STK32B: variants seen among roughly 807,000 people sequenced by gnomAD.
STK32B encodes the protein serine/threonine kinase 32B, also known as serine/threonine-protein kinase 32B.
STK32B carries 43 observed loss-of-function variants against 52.6 expected under a neutral mutation model. The observed-to-expected ratio is 0.82, with a 90% CI of 0.64 to 1.05. The LOEUF (loss-of-function observed/expected upper bound fraction) is 1.05. Among genes scored for constraint, STK32B ranks in the 50% least tolerant of loss-of-function variants. STK32B has a pLI of 0.00. For missense variants in STK32B, 621 were observed against 534.6 expected, an observed-to-expected ratio of 1.16 and a Z score of -1.59; for synonymous variants, 238 against 204.3, an observed-to-expected ratio of 1.17 and a Z score of -1.41.
intron 1 of STK32B, among the ~76,000 whole-genome samples, chr4:5,125,673 T>G (rs1357837989): frequency 6.6e-6 from 1 of 152,218 alleles, no homozygotes; most frequent in East Asian, 1.9e-4. Context: ...CACGTCTCCC[T>G]GGTTTTCCTC....
At chr4:5,421,430 G>T (rs549674411) in intron 6 of STK32B, among the ~76,000 whole-genome samples, 52 of 151,982 alleles carry the variant, frequency 3.4e-4, no homozygotes, top group African/African-American at 1.2e-3. Context: ...TTACCACGTT[G>T]GCCAGGCTGG....
At chr4:5,042,449 G>C in the STK32B span, among the ~76,000 whole-genome samples, 2 of 152,204 alleles carry the variant, frequency 1.3e-5, no homozygotes, top group African/African-American at 4.8e-5. Flanking sequence ...TGACCCCCAA[G>C]TTCCGCCATT....
the STK32B span, among the ~76,000 whole-genome samples, chr4:5,022,540 G>A: frequency 1.3e-5 from 2 of 152,288 alleles, no homozygotes; most frequent in East Asian, 3.9e-4. Context: ...GCAGTTGGCT[G>A]CTCCGAATAT....
At chr4:5,472,247 G>A (rs1034820032) in intron 11 of STK32B, among the ~76,000 whole-genome samples, 2 of 152,234 alleles carry the variant, frequency 1.3e-5, no homozygotes, top group South Asian at 2.1e-4. Flanking sequence ...GCAGCGGGGA[G>A]GATTACCAAA....
chr4:5,442,921 T>G (rs1391654563), intron 6 of STK32B, among the ~76,000 whole-genome samples: 6 of 152,054 alleles, frequency 3.9e-5, no homozygotes, highest in Non-Finnish European at 8.8e-5. Context: ...TTAAGAATGT[T>G]GAATATTGGC....
intron 4 of STK32B, among the ~76,000 whole-genome samples, chr4:5,391,917 G>A (rs1292039331): frequency 6.6e-6 from 1 of 152,164 alleles, no homozygotes; most frequent in Non-Finnish European, 1.5e-5. Flanking sequence ...ACATCTCAGT[G>A]TTCACTTTTC....
intron 1 of STK32B, among the ~76,000 whole-genome samples, chr4:5,135,351 G>A (rs2108826182): frequency 6.6e-6 from 1 of 152,330 alleles, no homozygotes; most frequent in East Asian, 1.9e-4. Flanking sequence ...GAGTGTTGGA[G>A]TGAGAATCCA....
At chr4:5,089,361 G>C (rs1027843947) in intron 1 of STK32B, among the ~76,000 whole-genome samples, 1 of 151,934 alleles carries the variant, frequency 6.6e-6, no homozygotes, top group Non-Finnish European at 1.5e-5. Flanking sequence ...AACAGGCCCT[G>C]GTGTGTGTTG....
At chr4:5,151,816 T>C (rs1464746300) in intron 2 of STK32B, among the ~76,000 whole-genome samples, 1 of 152,200 alleles carries the variant, frequency 6.6e-6, no homozygotes, top group African/African-American at 2.4e-5. Flanking sequence ...TGGAGAACCA[T>C]AGTACACTGG....
intron 4 of STK32B, among the ~76,000 whole-genome samples, chr4:5,348,824 G>A (rs965324476): frequency 2.0e-5 from 3 of 152,168 alleles, no homozygotes; most frequent in African/African-American, 4.8e-5. Flanking sequence ...ACCAGTACCT[G>A]AGCATGCAGC....
chr4:5,489,971 TGTA>T (rs1407068755), intron 11 of STK32B, among the ~76,000 whole-genome samples: 1 of 152,220 alleles, frequency 6.6e-6, no homozygotes, highest in Non-Finnish European at 1.5e-5. Flanking sequence ...ATGAAGATCT[TGTA>T]GTTTTTATTT....
At chr4:5,105,314 A>G (rs1714039920) in intron 1 of STK32B, among the ~76,000 whole-genome samples, 1 of 152,204 alleles carries the variant, frequency 6.6e-6, no homozygotes, top group Non-Finnish European at 1.5e-5. Context: ...TACAAAAATA[A>G]AAACTGAAAA....
At chr4:5,215,314 G>C (rs1027351685) in intron 3 of STK32B, among the ~76,000 whole-genome samples, 1 of 152,140 alleles carries the variant, frequency 6.6e-6, no homozygotes, top group Non-Finnish European at 1.5e-5. Context: ...GGTTGGTTGG[G>C]AGTTTAAAGA....
At position 5,450,749 on chromosome 4, in the gene STK32B, C is replaced by T. The variant is rs376001990; in HGVS notation, c.666+3973C>T. On this transcript the variant is annotated intron_variant, in intron 7 of 11. Coordinates refer to ENST00000282908, the MANE Select transcript of STK32B (RefSeq NM_018401.3). The stretch of plus-strand genomic sequence containing the variant: ...TAAATGATTCTGATTATGTTAATTA[C>T]CCAGCTCCAAGACTGATGAATGGCT... Among the ~76,000 whole-genome samples, 12 of 152,152 alleles carry T rather than the reference C, an allele frequency of 7.9e-5. No individual in the cohort carries two copies. The East Asian group carries it at 9.6e-4, about 12-fold the overall frequency.
chr4:5,080,408 C>A (rs1712345813), intron 1 of STK32B, among the ~76,000 whole-genome samples: 2 of 152,196 alleles, frequency 1.3e-5, no homozygotes, highest in Admixed American at 6.5e-5. Context: ...GCTCCTCCAC[C>A]TGCCTGAAAT....
At chr4:5,243,293 T>C (rs558033243) in intron 3 of STK32B, among the ~76,000 whole-genome samples, 124 of 152,276 alleles carry the variant, frequency 8.1e-4, no homozygotes, top group African/African-American at 2.8e-3. Context: ...AGGTCCTTCA[T>C]GTCCCTTGTA....
chr4:5,329,298 T>C (rs1468889738), intron 3 of STK32B, among the ~76,000 whole-genome samples: 1 of 152,166 alleles, frequency 6.6e-6, no homozygotes, highest in African/African-American at 2.4e-5. Flanking sequence ...AGGGACTGTA[T>C]CTTACTCCAC....
At chr4:5,182,272 GA>G (rs1720422206) in intron 3 of STK32B, among the ~76,000 whole-genome samples, 1 of 152,082 alleles carries the variant, frequency 6.6e-6, no homozygotes, top group African/African-American at 2.4e-5. Context: ...AGTCACCCCT[GA>G]AGGTTGAGTA....
chr4:5,038,061 A>G, the STK32B span, among the ~76,000 whole-genome samples: 1 of 151,968 alleles, frequency 6.6e-6, no homozygotes, highest in Non-Finnish European at 1.5e-5. Flanking sequence ...TTCTCAAGTG[A>G]CTCTCAGTTC....
Sources: allele counts gnomAD v4.1 joint callset (sites outside exome capture counted in the v4.1 genomes callset), GRCh38; gene constraint gnomAD v4.1.1; transcripts MANE v1.5; gene names NCBI Gene and HGNC (gene_info 2026-07-23, HGNC 2026-07-21).